Variants in TCERG1L observed in about 807,000 individuals in gnomAD.
TCERG1L encodes transcription elongation regulator 1-like protein.
Under a neutral mutation model 56.3 loss-of-function variants are expected in TCERG1L, and 37 were observed. The observed-to-expected ratio is 0.66, with a 90% CI of 0.51 to 0.87. The LOEUF is 0.87. Ranked by LOEUF, TCERG1L falls within the 40% of genes least tolerant of loss-of-function variation. The pLI is 0.00. For synonymous variants in TCERG1L, 324 were observed against 326.3 expected, an observed-to-expected ratio of 0.99 and a Z score of 0.08; for missense variants, 799 against 774.2, an observed-to-expected ratio of 1.03 and a Z score of -0.38.
chr10:131,101,339 G>A (rs1482855528), intron 10 of TCERG1L, among the ~76,000 whole-genome samples: 8 of 152,240 alleles, frequency 5.3e-5, no homozygotes, highest in South Asian at 2.1e-4. Flanking sequence ...GAGATGTGCC[G>A]TAGCATGTAA....
intron 4 of TCERG1L, among the ~76,000 whole-genome samples, chr10:131,177,763 C>A (rs186720565): frequency 6.6e-6 from 1 of 151,962 alleles, no homozygotes; most frequent in African/African-American, 2.4e-5. Context: ...GCTAAGGTCA[C>A]GGCAGGAGGC....
At chr10:131,204,795 G>A (rs1246296340) in intron 4 of TCERG1L, among the ~76,000 whole-genome samples, 5 of 152,244 alleles carry the variant, frequency 3.3e-5, no homozygotes, top group African/African-American at 1.2e-4. Flanking sequence ...CCTGGCCCCA[G>A]GCAGAACAGG....
intron 4 of TCERG1L, among the ~76,000 whole-genome samples, chr10:131,240,223 T>A (rs951622145): frequency 1.3e-5 from 2 of 152,134 alleles, no homozygotes; most frequent in Non-Finnish European, 2.9e-5. Flanking sequence ...ATTAAATGTG[T>A]GTGGAGCAGG....
chr10:131,175,439 G>C (rs1846138114), intron 4 of TCERG1L, among the ~76,000 whole-genome samples: 1 of 150,998 alleles, frequency 6.6e-6, no homozygotes, highest in African/African-American at 2.4e-5. Flanking sequence ...AAGTCACCTG[G>C]GCACTGCAGC....
intron 4 of TCERG1L, among the ~76,000 whole-genome samples, chr10:131,250,748 G>A (rs77390278): frequency 1.3e-5 from 2 of 152,120 alleles, no homozygotes; most frequent in African/African-American, 4.8e-5. Flanking sequence ...ACTTCTTAGG[G>A]AGTGAGAAGT....
chr10:131,121,999 C>T (rs1564795955), intron 8 of TCERG1L, among the ~76,000 whole-genome samples: 2 of 152,336 alleles, frequency 1.3e-5, no homozygotes, highest in African/African-American at 2.4e-5. Flanking sequence ...TTTGTTTTAT[C>T]ATAAATGATG....
At chr10:131,125,531 T>G (rs1448339542) in intron 8 of TCERG1L, among the ~76,000 whole-genome samples, 2 of 152,218 alleles carry the variant, frequency 1.3e-5, no homozygotes, top group African/African-American at 2.4e-5. Context: ...ACAAATGGTC[T>G]TCAGATGAGA....
At chr10:131,235,536 G>A (rs1436253849) in intron 4 of TCERG1L, among the ~76,000 whole-genome samples, 2 of 152,076 alleles carry the variant, frequency 1.3e-5, no homozygotes, top group Admixed American at 6.5e-5. Context: ...ATATTGATAG[G>A]CAACTACTAT....
intron 3 of TCERG1L, among the ~76,000 whole-genome samples, chr10:131,273,069 G>C (rs1198215902): frequency 2.0e-5 from 3 of 152,146 alleles, no homozygotes; most frequent in Non-Finnish European, 2.9e-5. Flanking sequence ...CAGTGGAGTG[G>C]GCCCGACCTC....
At chr10:131,255,974 C>T (rs913027763) in intron 4 of TCERG1L, among the ~76,000 whole-genome samples, 2 of 152,160 alleles carry the variant, frequency 1.3e-5, no homozygotes, top group Non-Finnish European at 2.9e-5. Flanking sequence ...TGGTTTAAAT[C>T]CAGTAAGTGT....
intron 8 of TCERG1L, 30 bp downstream of exon 8, chr10:131,134,349 G>C: frequency 6.4e-7 from 1 of 1,559,662 alleles, no homozygotes; most frequent in Non-Finnish European, 8.7e-7. Flanking sequence ...AGTAGGGAAA[G>C]ATCTGCTGGG....
chr10:131,146,420 A>T lies in TCERG1L; in HGVS notation c.1189+86T>A, dbSNP rs926196160. The T allele has an allele frequency of 3.6e-6, 5 of 1,370,360 alleles. No homozygotes were observed. The African/African-American group carries it at 7.2e-5, about 20-fold the overall frequency. 84.9% of individuals were successfully genotyped at this position (1,370,360 alleles called of 1,614,324 possible). The stretch of plus-strand genomic sequence containing the variant: ...ATAGTCAATTTTCAACATAACCAAG[A>T]AGAAACATGCTTTCACTTTACGTTC... On this transcript the variant is annotated intron_variant, in intron 7 of 11. Coordinates refer to ENST00000368642, the MANE Select transcript of TCERG1L (RefSeq NM_174937.4).
intron 3 of TCERG1L, among the ~76,000 whole-genome samples, chr10:131,299,781 ATG>A (rs1431046182): frequency 6.6e-6 from 1 of 152,148 alleles, no homozygotes; most frequent in Non-Finnish European, 1.5e-5. Flanking sequence ...ATAGCACATA[ATG>A]TATAGTACAA....
At chr10:131,160,857 C>A (rs150249832) in intron 6 of TCERG1L, 2 of 152,312 alleles carry the variant, frequency 1.3e-5, no homozygotes, top group Non-Finnish European at 2.9e-5. Flanking sequence ...AAGAAAGCCG[C>A]AGCTTTCGCA....
chr10:131,247,391 A>T (rs1485767449), intron 4 of TCERG1L, among the ~76,000 whole-genome samples: 2 of 152,210 alleles, frequency 1.3e-5, no homozygotes, highest in Non-Finnish European at 2.9e-5. Flanking sequence ...ACGCATATGT[A>T]GATCAGCATC....
intron 4 of TCERG1L, among the ~76,000 whole-genome samples, chr10:131,205,089 T>C (rs570939805): frequency 3.0e-4 from 45 of 152,274 alleles, no homozygotes; most frequent in African/African-American, 1.1e-3. Flanking sequence ...ATCAACTCAA[T>C]GGCAGCCTCT....
At chr10:131,128,226 A>G (rs1845581869) in intron 8 of TCERG1L, among the ~76,000 whole-genome samples, 1 of 152,208 alleles carries the variant, frequency 6.6e-6, no homozygotes, top group Admixed American at 6.5e-5. Flanking sequence ...GAAGGAATAG[A>G]AAGTGGGAAG....
At chr10:131,221,442 C>T (rs1013070113) in intron 4 of TCERG1L, among the ~76,000 whole-genome samples, 4 of 152,194 alleles carry the variant, frequency 2.6e-5, no homozygotes, top group African/African-American at 9.7e-5. Flanking sequence ...GGTGACAGCA[C>T]CCTCTCCCAG....
intron 7 of TCERG1L, among the ~76,000 whole-genome samples, chr10:131,138,502 G>C (rs1845699008): frequency 6.6e-6 from 1 of 152,126 alleles, no homozygotes; most frequent in Non-Finnish European, 1.5e-5. Flanking sequence ...ACAATGCCTA[G>C]CATATCTACT....
Sources: allele counts gnomAD v4.1 joint callset (sites outside exome capture counted in the v4.1 genomes callset), GRCh38; gene constraint gnomAD v4.1.1; transcripts MANE v1.5; gene names NCBI Gene and HGNC (gene_info 2026-07-23, HGNC 2026-07-21).